KCNAB2: variants seen among roughly 807,000 people sequenced by gnomAD.
KCNAB2 encodes the protein potassium voltage-gated channel subfamily A regulatory beta subunit 2, also known as voltage-gated potassium channel subunit beta-2.
Under a neutral mutation model 63.6 loss-of-function variants are expected in KCNAB2, and 29 were observed. The observed-to-expected ratio is 0.46, with a 90% CI of 0.34 to 0.62. The LOEUF (loss-of-function observed/expected upper bound fraction) is 0.62. KCNAB2 is among the 20% of genes least tolerant of loss of function. The pLI is 0.01. For missense variants in KCNAB2, 359 were observed against 563.9 expected (o/e 0.64, Z 3.68); for synonymous variants, 222 against 224.2 (o/e 0.99, Z 0.09).
At chr1:6,092,414 C>T (rs1334334904) in intron 10 of KCNAB2, among the ~76,000 whole-genome samples, 9 of 152,376 alleles carry the variant, frequency 5.9e-5, no homozygotes, top group Non-Finnish European at 1.0e-4. Context: ...GGGCAGCATG[C>T]GGTTTCACTG....
chr1:5,997,467 AC>A (rs1657003049), intron 1 of KCNAB2, among the ~76,000 whole-genome samples: 1 of 151,788 alleles, frequency 6.6e-6, no homozygotes, highest in South Asian at 2.1e-4. Flanking sequence ...AGCCTGCCAG[AC>A]CCCCACTGCA....
intron 1 of KCNAB2, among the ~76,000 whole-genome samples, chr1:6,004,489 T>C (rs1657440908): frequency 6.6e-6 from 1 of 152,118 alleles, no homozygotes; most frequent in Admixed American, 6.6e-5. Context: ...GCAGGGTTGG[T>C]TCCCTCTGGA....
chr1:6,008,622 C>CAAA (rs141192143), intron 1 of KCNAB2, among the ~76,000 whole-genome samples: 6 of 137,834 alleles, frequency 4.4e-5, no homozygotes, highest in South Asian at 2.4e-4. Flanking sequence ...GAGACTGTCT[C>CAAA]AAAAAAAAAA....
At chr1:6,017,664 G>C (rs1328206687) in intron 1 of KCNAB2, among the ~76,000 whole-genome samples, 7 of 152,098 alleles carry the variant, frequency 4.6e-5, no homozygotes, top group African/African-American at 1.7e-4. Context: ...GGTGGCAGGT[G>C]CCTGCAATCC....
upstream of KCNAB2, among the ~76,000 whole-genome samples, chr1:6,045,443 C>T (rs553172683): frequency 2.0e-5 from 3 of 152,212 alleles, no homozygotes; most frequent in South Asian, 2.1e-4. The surrounding 1 kb of genome is among the most constrained non-coding windows in gnomAD (Gnocchi z 4.8). Context: ...GGACATGTGC[C>T]GTGGAGAAGG....
At chr1:6,091,072 T>C (rs974352464) in intron 9 of KCNAB2, among the ~76,000 whole-genome samples, 191 bp from the exon 10 acceptor site, 4 of 152,248 alleles carry the variant, frequency 2.6e-5, no homozygotes, top group Non-Finnish European at 5.9e-5. Flanking sequence ...TTAAATTGTG[T>C]TCCAGTTATT....
At chr1:6,037,895 G>A (rs551674990) in intron 1 of KCNAB2, among the ~76,000 whole-genome samples, 3 of 125,852 alleles carry the variant, frequency 2.4e-5, no homozygotes, top group South Asian at 5.1e-4. Context: ...TTTTTTTTGA[G>A]GCGGGGTCTC....
chr1:6,090,859 G>A (rs1257243062), intron 9 of KCNAB2, among the ~76,000 whole-genome samples: 1 of 152,214 alleles, frequency 6.6e-6, no homozygotes, highest in African/African-American at 2.4e-5. Context: ...ACCATCCATT[G>A]GGAAGCTTGG....
At chr1:6,037,906 G>T (rs1299764000) in intron 1 of KCNAB2, among the ~76,000 whole-genome samples, 23 of 137,162 alleles carry the variant, frequency 1.7e-4, no homozygotes, top group Non-Finnish European at 2.9e-4. Context: ...GCGGGGTCTC[G>T]CTCTGTCACC....
chr1:6,030,728 ATG>A (rs1659550970), upstream of KCNAB2, among the ~76,000 whole-genome samples: 4 of 144,162 alleles, frequency 2.8e-5, no homozygotes, highest in South Asian at 2.2e-4. Flanking sequence ...GTGTATGTTT[ATG>A]TGTGTTTATG....
intron 1 of KCNAB2, among the ~76,000 whole-genome samples, chr1:6,039,698 G>C (rs1660339227): frequency 6.6e-6 from 1 of 152,100 alleles, no homozygotes; most frequent in African/African-American, 2.4e-5. Context: ...GGAAACCTCT[G>C]GTAGGAAAGG....
At chr1:6,043,564 T>G (rs1021205100), upstream of KCNAB2, among the ~76,000 whole-genome samples, 1 of 152,086 alleles carries the variant, frequency 6.6e-6, no homozygotes, top group Admixed American at 6.5e-5. Flanking sequence ...CTCCAGGGGG[T>G]CACTTGGGTG....
chr1:6,036,594 A>G (rs1476800231), intron 1 of KCNAB2, among the ~76,000 whole-genome samples: 1 of 152,158 alleles, frequency 6.6e-6, no homozygotes, highest in Non-Finnish European at 1.5e-5. Flanking sequence ...CGTCCTGAAG[A>G]AGGAGGAATG....
chr1:6,076,381 C>T (rs1340413674), intron 4 of KCNAB2, among the ~76,000 whole-genome samples: 1 of 152,208 alleles, frequency 6.6e-6, no homozygotes, highest in Non-Finnish European at 1.5e-5. Context: ...TAATGCCTGT[C>T]GGAGCCACCA....
intron 1 of KCNAB2, among the ~76,000 whole-genome samples, chr1:6,021,903 T>C (rs2100333313): frequency 6.6e-6 from 1 of 151,678 alleles, no homozygotes; most frequent in African/African-American, 2.4e-5. Context: ...TTCAGTGGTA[T>C]TGAGGGTAAA....
rs1410791306 is a variant in KCNAB2, at chr1:6,098,519, A to AGATT, written c.1197_1200dup (p.Ser401Ter). The AGATT allele has an allele frequency of 6.2e-7, 1 of 1,613,962 alleles. No individual in the cohort carries two copies. The highest frequency in any genetic ancestry group is 2.2e-5 in the East Asian group (1 of 44,864). On this transcript the variant is annotated frameshift_variant, in exon 16 of 16. Coordinates refer to ENST00000378083, the MANE Select transcript of KCNAB2 (RefSeq NM_001199862.2). LOFTEE classifies it high-confidence loss of function. ...AAACTGTCATCTTCCATTATCCACG[A>AGATT]GATTGATAGTATTTTGGGCAATAAA...
At position 6,098,595 on chromosome 1, in the gene KCNAB2, C is replaced by T. The variant is rs773900780; in HGVS notation, c.*21C>T. On this transcript the variant is annotated 3_prime_UTR_variant, in exon 16 of 16. Transcript: ENST00000378083. ...CCTAAGCCGCCCCCGCCCGCCTGCTCGGACAGTTTCCGTTCCCTCCTAGTC... is the reference window on the plus strand; with the variant it reads ...CCTAAGCCGCCCCCGCCCGCCTGCTTGGACAGTTTCCGTTCCCTCCTAGTC... 8 of 1,611,434 alleles carry T rather than the reference C, an allele frequency of 5.0e-6. No individual in the cohort carries two copies. Among genetic ancestry groups the T allele is most frequent in the East Asian group, 2.2e-5 (1 of 44,872 alleles).
chr1:6,042,592 A>T (rs1240600698), upstream of KCNAB2, among the ~76,000 whole-genome samples: 2 of 152,090 alleles, frequency 1.3e-5, no homozygotes, highest in African/African-American at 4.8e-5. Flanking sequence ...GTAAAATGTC[A>T]GGGCTGCCTG....
chr1:6,025,926 G>GCACACAGCCGATCCCGA (rs1659136554), intron 1 of KCNAB2: 1 of 152,676 alleles, frequency 6.5e-6, no homozygotes, highest in African/African-American at 2.5e-5. Context: ...GCCGATCCCG[G>GCACACAGCCGATCCCGA]CACACAGCCG....
Sources: allele counts gnomAD v4.1 joint callset (sites outside exome capture counted in the v4.1 genomes callset), GRCh38; gene constraint gnomAD v4.1.1; non-coding constraint Gnocchi (gnomAD v3.1); transcripts MANE v1.5; gene names NCBI Gene and HGNC (gene_info 2026-07-23, HGNC 2026-07-21).